HMCN2: variants seen among roughly 807,000 people sequenced by gnomAD.
HMCN2 encodes hemicentin-2.
A neutral mutation model predicts 377.5 loss-of-function variants in HMCN2; 325 were observed. The observed-to-expected ratio is 0.86, with a 90% CI of 0.79 to 0.94. HMCN2 has a LOEUF of 0.94. Ranked by LOEUF, HMCN2 falls within the 40% of genes least tolerant of loss-of-function variation. HMCN2 has a pLI of 0.00. For synonymous variants in HMCN2, 2,007 were observed against 2,046.8 expected, an observed-to-expected ratio of 0.98 and a Z score of 0.53; for missense variants, 4,543 against 4,725.3, an observed-to-expected ratio of 0.96 and a Z score of 1.13.
At chr9:130,415,803 C>A (rs763519970) in intron 85 of HMCN2, among the ~76,000 whole-genome samples, 2 of 152,210 alleles carry the variant, frequency 1.3e-5, no homozygotes, top group Non-Finnish European at 2.9e-5. Flanking sequence ...TCTCGCCGTT[C>A]AGTTGCTGGC....
intron 1 of HMCN2, among the ~76,000 whole-genome samples, chr9:130,277,822 AT>A (rs1564739539): frequency 6.5e-5 from 4 of 61,430 alleles, no homozygotes; most frequent in East Asian, 5.8e-4. Flanking sequence ...CATCATCATC[AT>A]CACCACCACC....
chr9:130,358,301 C>T, intron 35 of HMCN2, 89 bp from the exon 36 acceptor site: 2 of 1,291,698 alleles, frequency 1.5e-6, no homozygotes, highest in Non-Finnish European at 2.0e-6. Context: ...CTGCTCCTGC[C>T]CCCGGGCTCG....
intron 77 of HMCN2, among the ~76,000 whole-genome samples, chr9:130,401,991 T>A (rs1842872304): frequency 6.6e-6 from 1 of 152,110 alleles, no homozygotes; most frequent in Admixed American, 6.5e-5. Context: ...GTGGGAGGAT[T>A]GCTTGAGTGT....
At position 130,393,930 on chromosome 9, in the gene HMCN2, G is replaced by A. The variant is rs1370458473; in HGVS notation, c.10423G>A (p.Gly3475Ser). Reference protein sequence around the residue: ...PSLQLEAVGAGDSGTYSCVAV... With the variant: ...PSLQLEAVGASDSGTYSCVAV... ...CCTGCAGCTGGAGGCAGTGGGAGCTGGTGACTCGGGGACCTACTCCTGTGT... is the reference window on the plus strand; with the variant it reads ...CCTGCAGCTGGAGGCAGTGGGAGCTAGTGACTCGGGGACCTACTCCTGTGT... Residue 3475 changes from glycine (G) to serine (S), a missense_variant, in exon 68 of 98, where the codon GGT (glycine) becomes AGT (serine). Coordinates refer to ENST00000683500, the MANE Select transcript of HMCN2 (RefSeq NM_001291815.2). The surrounding 1 kb of genome is among the most constrained non-coding windows in gnomAD (Gnocchi z 5.2). 3 of 1,289,222 alleles carry A rather than the reference G, an allele frequency of 2.3e-6. No individual in the cohort carries two copies. Among genetic ancestry groups the A allele is most frequent in the Non-Finnish European group, 2.0e-6 (2 of 988,756 alleles). The allele number at this position is 1,289,222 out of a possible 1,614,324, so 79.9% of individuals were successfully genotyped here. A position where few individuals can be genotyped will look rare whatever the true frequency, so the allele number is the denominator to read the frequency against.
chr9:130,267,356 A>ATC (rs1360603990), intron 1 of HMCN2, among the ~76,000 whole-genome samples: 1 of 151,072 alleles, frequency 6.6e-6, no homozygotes, highest in Non-Finnish European at 1.5e-5. Context: ...GCTTTATCAC[A>ATC]TCTCTCTATC....
At chr9:130,432,727 A>T in intron 97 of HMCN2, 172 bp downstream of exon 97, 1 of 665,206 alleles carries the variant, frequency 1.5e-6, no homozygotes. Flanking sequence ...GGGACACAGG[A>T]GCACACACAC....
intron 19 of HMCN2, among the ~76,000 whole-genome samples, chr9:130,323,530 T>C (rs1837961798): frequency 6.6e-6 from 1 of 152,106 alleles, no homozygotes; most frequent in African/African-American, 2.4e-5. Flanking sequence ...GGAATATGGG[T>C]ACCAAAAGAT....
intron 22 of HMCN2, among the ~76,000 whole-genome samples, chr9:130,334,759 T>TTCTC (rs1179524224): frequency 5.9e-5 from 8 of 136,078 alleles, no homozygotes; most frequent in South Asian, 2.7e-4. Flanking sequence ...TCTCTCTCTC[T>TTCTC]TCTCTCTCTC....
Position 130,394,609 on chromosome 9 carries a change from G to T in HMCN2, c.10692+34G>T, listed in dbSNP as rs1842509259. 2 of 1,254,184 alleles carry T rather than the reference G, an allele frequency of 1.6e-6. No individual in the cohort carries two copies. The highest frequency in any genetic ancestry group is 2.1e-6 in the Non-Finnish European group (2 of 969,618). The allele number at this position is 1,254,184 out of a possible 1,614,324, so 77.7% of individuals were successfully genotyped here. On this transcript the variant is annotated intron_variant, in intron 69 of 97. Coordinates refer to ENST00000683500, the MANE Select transcript of HMCN2 (RefSeq NM_001291815.2). This position sits in a 1 kb window ranked among gnomAD's most constrained non-coding sequence, Gnocchi z 5.1. The stretch of plus-strand genomic sequence containing the variant: ...GCCGCCGCCATGGGGCGAGGCTGGG[G>T]GTTGGGGGAGAGGGGAGGGACTGCA...
At chr9:130,353,720 G>A (rs1332348746) in intron 31 of HMCN2, among the ~76,000 whole-genome samples, 5 of 152,192 alleles carry the variant, frequency 3.3e-5, no homozygotes, top group South Asian at 2.1e-4. Context: ...GTCCTTACGC[G>A]GGCAGATCTG....
At position 130,430,490 on chromosome 9, in the gene HMCN2, C is replaced by T; in HGVS notation, c.14533C>T (p.Pro4845Ser). 6.4e-7 allele frequency: 1 copy of T among 1,550,580 alleles called. No individual in the cohort carries two copies. The highest frequency in any genetic ancestry group is 8.7e-7 in the Non-Finnish European group (1 of 1,146,958). ...CTGGCTGCGGCCCTGGGCCTCGATC[C>T]CCGGTACCTCCTACCACGCCTGGGT... is the stretch of plus-strand genomic sequence containing the variant. ...LPWLRPWASI[P>S]GTSYHAWVSL... Residue 4845 changes from proline to serine, a missense_variant, in exon 95 of 98, where the codon CCC becomes TCC. Physicochemically the swap from Pro to Ser is moderately conservative, Grantham distance 74 (BLOSUM62 -1). Transcript: ENST00000683500.
In HMCN2 at chr9:130,434,037, T is replaced by G; in HGVS notation, c.*344T>G. Reference sequence around the variant, plus strand: ...GCGGGAGAGGGGGCAGACCCCGCGTTAGGGGTGGCAGCAGCTGTCGCCCGG... The same window carrying G: ...GCGGGAGAGGGGGCAGACCCCGCGTGAGGGGTGGCAGCAGCTGTCGCCCGG... On this transcript the variant is annotated 3_prime_UTR_variant, in exon 98 of 98. Transcript: ENST00000683500. 1 of 243,162 alleles carries G rather than the reference T, an allele frequency of 4.1e-6. No individual in the cohort carries two copies. The allele number at this position is 243,162 out of a possible 1,614,324, so 15.1% of individuals were successfully genotyped here. A position where few individuals can be genotyped will look rare whatever the true frequency, so the allele number is the denominator to read the frequency against.
intron 31 of HMCN2, among the ~76,000 whole-genome samples, chr9:130,354,120 G>T (rs551004950): frequency 6.6e-6 from 1 of 152,168 alleles, no homozygotes. Flanking sequence ...TTTTCAAAGC[G>T]TCTTACACCC....
rs1338744894 is a variant in HMCN2, at chr9:130,362,141, C to G, written c.6084C>G (p.Ser2028=). ...GGCTGAAGGATGGAAACCCTGTGTC[C>G]CCTGCAGGGACCCCTGGCCTGCAGG... is the stretch of plus-strand genomic sequence containing the variant. ...LMWLKDGNPV[S]PAGTPGLQVF... Residue 2028 remains serine (S), a synonymous_variant, in exon 39 of 98, where the codon TCC becomes TCG. Transcript: ENST00000683500. The G allele has an allele frequency of 1.0e-6, 1 of 985,600 alleles. No individual in the cohort carries two copies. The highest frequency in any genetic ancestry group is 1.7e-5 in the African/African-American group (1 of 57,244). 61.1% of individuals were successfully genotyped at this position (985,600 alleles called of 1,614,324 possible).
chr9:130,359,420 A>T lies in HMCN2; in HGVS notation c.5773+6A>T, dbSNP rs1840235898. 1.5e-6 allele frequency: 2 copies of T among 1,292,830 alleles called. No homozygotes were observed. Among genetic ancestry groups the T allele is most frequent in the African/African-American group, 3.1e-5 (2 of 65,474 alleles). The allele number at this position is 1,292,830 out of a possible 1,614,324, so 80.1% of individuals were successfully genotyped here. A position where few individuals can be genotyped will look rare whatever the true frequency, so the allele number is the denominator to read the frequency against. ...TTCGGGCGTGCCCCCTCCTGGTAAG[A>T]CCCCTCCTCTTGGCTGAAAGCTACT... On this transcript the variant is annotated splice_donor_region_variant and intron_variant, in intron 37 of 97. Transcript: ENST00000683500.
intron 1 of HMCN2, among the ~76,000 whole-genome samples, chr9:130,280,975 C>A (rs567884057): frequency 6.6e-6 from 1 of 151,934 alleles, no homozygotes; most frequent in East Asian, 2.0e-4. Context: ...TGGTGACAGG[C>A]GCCTGTAATC....
chr9:130,424,739 C>T, intron 87 of HMCN2, 37 bp from the exon 88 acceptor site: 1 of 1,479,094 alleles, frequency 6.8e-7, no homozygotes, highest in Non-Finnish European at 9.0e-7. Flanking sequence ...CCCTGAGGAT[C>T]AGCTCTAACC....
Position 130,391,204 on chromosome 9 carries a change from T to A in HMCN2, c.9668T>A (p.Val3223Glu). The change falls in exon 64 of 98, where the codon GTG (valine) becomes GAG (glutamate). Residue 3223 changes from valine (V) to glutamate (E), a missense_variant and splice_region_variant. This residue lies in a region of HMCN2 where 736 missense variants were observed against 773.2 expected (regional missense o/e 0.95). Coordinates refer to ENST00000683500, the MANE Select transcript of HMCN2 (RefSeq NM_001291815.2). ...GGGCCTCACTGCACCCCTGCCTCAG[T>A]GGCCCCCCGGATCCGGAGCTCGGGC... is the stretch of plus-strand genomic sequence containing the variant. Reference protein sequence around the residue: ...ARKDFVVAVLVAPRIRSSGVA... With the variant: ...ARKDFVVAVLEAPRIRSSGVA... 3.0e-6 allele frequency: 3 copies of A among 987,932 alleles called. No individual in the cohort carries two copies. The highest frequency in any genetic ancestry group is 3.6e-6 in the Non-Finnish European group (3 of 830,276). 61.2% of individuals were successfully genotyped at this position (987,932 alleles called of 1,614,324 possible).
intron 85 of HMCN2, 62 bp downstream of exon 85, chr9:130,410,714 G>A (rs1843364665): frequency 7.0e-7 from 1 of 1,426,366 alleles, no homozygotes; most frequent in African/African-American, 1.4e-5. Flanking sequence ...GCGGTGGCGT[G>A]TGCAGCCTAG....
Sources: gnomAD v4.1 joint callset for allele counts (sites outside exome capture counted in the v4.1 genomes callset) on GRCh38, gnomAD v4.1.1 for gene constraint, gnomAD v4.1.1 regional missense constraint, Gnocchi (gnomAD v3.1) non-coding constraint, MANE v1.5 for transcripts, NCBI Gene and HGNC (gene_info 2026-07-23, HGNC 2026-07-21) for gene names.